Variants in ZNF577 observed in about 807,000 individuals in gnomAD.
ZNF577 encodes the protein zinc finger protein 577.
Under a neutral mutation model 13.9 loss-of-function variants are expected in ZNF577, and 14 were observed. That is an observed-to-expected ratio of 1.00 (90% CI 0.66 to 1.57). ZNF577 has a LOEUF of 1.57. Ranked by LOEUF, ZNF577 falls within the 40% of genes most tolerant of loss-of-function variation. The pLI is 0.00. For missense variants in ZNF577, 555 were observed against 579.2 expected, an observed-to-expected ratio of 0.96 and a Z score of 0.43; for synonymous variants, 203 against 202.9, an observed-to-expected ratio of 1.00 and a Z score of 0.00.
intron 3 of ZNF577, 154 bp from the exon 4 acceptor site, chr19:51,878,669 G>A (rs2084808038): frequency 1.1e-6 from 1 of 876,060 alleles, no homozygotes; most frequent in Non-Finnish European, 1.7e-6. Flanking sequence ...CACCAATTCT[G>A]CCTACCCTAA....
At chr19:51,885,448 T>C (rs1371801335) in intron 1 of ZNF577, among the ~76,000 whole-genome samples, 1 of 152,162 alleles carries the variant, frequency 6.6e-6, no homozygotes, top group Non-Finnish European at 1.5e-5. Flanking sequence ...TGATTGGGCA[T>C]TTGCGGTTTC....
intron 5 of ZNF577, among the ~76,000 whole-genome samples, chr19:51,859,477 A>C (rs1344362598): frequency 3.3e-5 from 5 of 152,188 alleles, no homozygotes; most frequent in Non-Finnish European, 7.4e-5. Flanking sequence ...ACAAACTTGA[A>C]ATATATAGCC....
In ZNF577 at chr19:51,872,882, T is replaced by C. The variant is rs1468128396; in HGVS notation, c.1108A>G (p.Ile370Val). 3.1e-6 allele frequency: 5 copies of C among 1,614,228 alleles called. No individual in the cohort carries two copies. The highest frequency in any genetic ancestry group is 2.2e-5 in the East Asian group (1 of 44,882). The change falls in exon 6 of 6, where the codon ATT becomes GTT. Residue 370 changes from isoleucine to valine, a missense_variant. Transcript: ENST00000638348. Reference sequence around the variant, plus strand: ...CTTATGTGAGTTTTCTCATGTTTAATGAGGACTGACATGTGGGCAAAGGCT... The same window carrying C: ...CTTATGTGAGTTTTCTCATGTTTAACGAGGACTGACATGTGGGCAAAGGCT... ...GKAFAHMSVL[I>V]KHEKTHIRET...
chr19:51,833,183 T>TATTTCAAACTC (rs61581927), intron 9 of ZNF577, among the ~76,000 whole-genome samples: 64,064 of 151,600 alleles, frequency 0.42, 13,693 homozygotes, highest in South Asian at 0.58. Flanking sequence ...TTTATCTTCT[T>TATTTCAAACTC]ATTTCAAAGA....
intron 9 of ZNF577, among the ~76,000 whole-genome samples, chr19:51,816,513 G>A (rs1041275445): frequency 6.6e-6 from 1 of 152,254 alleles, no homozygotes; most frequent in Non-Finnish European, 1.5e-5. Context: ...CTCTCAAAGT[G>A]CTGGGATTAC....
At chr19:51,885,961 A>C (rs2084938990) in intron 1 of ZNF577, among the ~76,000 whole-genome samples, 1 of 152,260 alleles carries the variant, frequency 6.6e-6, no homozygotes, top group African/African-American at 2.4e-5. Context: ...AATGAAAAAG[A>C]AACGAGCTAC....
rs763361902 is a variant in ZNF577 at position 51,873,200 on chromosome 19, G to T, written c.790C>A (p.His264Asn). 3.1e-6 allele frequency: 5 copies of T among 1,614,086 alleles called. No individual in the cohort carries two copies. The highest frequency in any genetic ancestry group is 1.7e-5 in the Admixed American group (1 of 60,012). ...CACCCATAGAGTTTCTCTCCAGTAT[G>T]TGATCGCTGATGTCTATTGAGCCGG... Reference protein sequence around the residue: ...KCRLNRHQRSHTGEKLYGCSV... With the variant: ...KCRLNRHQRSNTGEKLYGCSV... Residue 264 changes from histidine (H) to asparagine (N), a missense_variant, in exon 6 of 6, where the codon CAT (histidine) becomes AAT (asparagine). Transcript: ENST00000638348.
Position 51,855,369 on chromosome 19 carries a change from G to C in ZNF577, c.284-10438C>G, listed in dbSNP as rs552448760. 2.4e-3 allele frequency among the ~76,000 whole-genome samples: 106 copies of C among 44,542 alleles called. No homozygotes were observed. In the South Asian group the frequency reaches 0.024, roughly 10 times the overall value. 29.2% of individuals were successfully genotyped at this position (44,542 alleles called of 152,430 possible). A position where few individuals can be genotyped will look rare whatever the true frequency, so the allele number is the denominator to read the frequency against. ...TTTTCCACTCTTTGCTGAGGGTGCT[G>C]TGTGTGTGTGTGTGTGTGTGTGTGT... is the stretch of plus-strand genomic sequence containing the variant. On this transcript the variant is annotated intron_variant and NMD_transcript_variant, in intron 5 of 10. Coordinates refer to the ZNF577 transcript ENST00000638827.
At chr19:51,882,624 A>C (rs1047725815) in intron 1 of ZNF577, among the ~76,000 whole-genome samples, 1 of 152,076 alleles carries the variant, frequency 6.6e-6, no homozygotes, top group Middle Eastern at 3.2e-3. Context: ...TCTACAAAAA[A>C]AAATTAAAAA....
chr19:51,874,446 G>A (rs11667993), intron 5 of ZNF577, among the ~76,000 whole-genome samples: 17,503 of 151,378 alleles, frequency 0.12, 1,312 homozygotes, highest in Middle Eastern at 0.16. Flanking sequence ...AAAGGGAACA[G>A]CCAGTGTGAA....
intron 1 of ZNF577, chr19:51,886,138 G>A (rs1464322720): frequency 2.0e-5 from 3 of 152,154 alleles, no homozygotes; most frequent in African/African-American, 7.2e-5. Context: ...GAGAGAAGAT[G>A]AGGGCTTCTG....
rs769949526 is a variant in ZNF577, at chr19:51,824,247, A to G, written c.*600-12573T>C. On this transcript the variant is annotated intron_variant and NMD_transcript_variant, in intron 9 of 10. Transcript: ENST00000638827. This position sits in a 1 kb window ranked among gnomAD's most constrained non-coding sequence, Gnocchi z 4.7. ...ACCAAATTTCATCTTCTGGACTACA[A>G]TAAGTACTACGAATGGGGACACATA... 5.6e-6 allele frequency: 9 copies of G among 1,614,074 alleles called. No homozygotes were observed. Among genetic ancestry groups the G allele is most frequent in the East Asian group, 2.2e-5 (1 of 44,892 alleles).
At chr19:51,845,269 C>T (rs947562626) in intron 5 of ZNF577, among the ~76,000 whole-genome samples, 3 of 152,070 alleles carry the variant, frequency 2.0e-5, no homozygotes, top group East Asian at 1.9e-4. Flanking sequence ...CAGAGGCAGG[C>T]GGATCACCTG....
At chr19:51,885,755 G>T (rs1344637368) in intron 1 of ZNF577, among the ~76,000 whole-genome samples, 1 of 152,116 alleles carries the variant, frequency 6.6e-6, no homozygotes, top group Non-Finnish European at 1.5e-5. Context: ...TGATCTATCC[G>T]CCTCAGCCTC....
chr19:51,834,311 CA>C (rs1206412625), intron 9 of ZNF577, among the ~76,000 whole-genome samples: 1 of 152,182 alleles, frequency 6.6e-6, no homozygotes, highest in East Asian at 1.9e-4. Context: ...CTCCTGGCCT[CA>C]AGATACAGAG....
At chr19:51,835,647 T>C (rs1046701271) in intron 9 of ZNF577, among the ~76,000 whole-genome samples, 4 of 152,202 alleles carry the variant, frequency 2.6e-5, no homozygotes, top group Middle Eastern at 3.2e-3. Flanking sequence ...TTTTAACCAA[T>C]ATTTCAGAAA....
At chr19:51,853,062 G>T (rs2084387504) in intron 5 of ZNF577, among the ~76,000 whole-genome samples, 1 of 151,930 alleles carries the variant, frequency 6.6e-6, no homozygotes, top group Admixed American at 6.6e-5. Context: ...TCAGCCTCCA[G>T]AGTAGCAGGG....
chr19:51,877,424 T>C, intron 4 of ZNF577, 47 bp from the exon 5 acceptor site: 2 of 1,458,410 alleles, frequency 1.4e-6, no homozygotes, highest in Non-Finnish European at 1.9e-6. Flanking sequence ...GCTTGGGGAA[T>C]GGATGAAGAT....
At chr19:51,878,351 A>T in intron 4 of ZNF577, 38 bp downstream of exon 4, 1 of 1,607,560 alleles carries the variant, frequency 6.2e-7, no homozygotes, top group African/African-American at 1.3e-5. Context: ...GTCACCAAAT[A>T]AGAAAGAAAA....
Sources: allele counts gnomAD v4.1 joint callset (sites outside exome capture counted in the v4.1 genomes callset), GRCh38; gene constraint gnomAD v4.1.1; non-coding constraint Gnocchi (gnomAD v3.1); transcripts MANE v1.5; gene names NCBI Gene and HGNC (gene_info 2026-07-23, HGNC 2026-07-21).